Variants in HPSE2 observed in about 807,000 individuals in gnomAD.
HPSE2 encodes heparanase 2 (inactive), also known as inactive heparanase-2.
Under a neutral mutation model 60.5 loss-of-function variants are expected in HPSE2, and 38 were observed. The observed-to-expected ratio is 0.63, with a 90% confidence interval of 0.48 to 0.82. The LOEUF is 0.82. HPSE2 is among the 40% of genes least tolerant of loss of function. HPSE2 has a pLI of 0.00. For missense variants in HPSE2, 713 were observed against 740.4 expected (o/e 0.96, Z 0.43); for synonymous variants, 295 against 293.2 (o/e 1.01, Z -0.06).
intron 6 of HPSE2, among the ~76,000 whole-genome samples, chr10:98,688,492 T>TTTTTTTTTTTTTTTTTTTTTTTTG (rs1397644993): frequency 6.9e-6 from 1 of 145,318 alleles, no homozygotes; most frequent in African/African-American, 2.5e-5. Flanking sequence ...TTTTTTTTTT[T>TTTTTTTTTTTTTTTTTTTTTTTTG]TGAGGCAGAA....
intron 5 of HPSE2, among the ~76,000 whole-genome samples, chr10:98,716,572 A>T (rs1948796899): frequency 6.6e-6 from 1 of 152,092 alleles, no homozygotes; most frequent in East Asian, 1.9e-4. Context: ...AACCTTGCCC[A>T]GATCCATCAG....
chr10:98,828,977 TA>T (rs35007964), intron 3 of HPSE2, among the ~76,000 whole-genome samples: 124,502 of 151,776 alleles, frequency 0.82, 51,428 homozygotes, highest in African/African-American at 0.87. Context: ...ATGAATGAAT[TA>T]AAAAAAAATG....
chr10:99,084,331 T>C (rs1346812786), intron 3 of HPSE2, among the ~76,000 whole-genome samples: 4 of 152,202 alleles, frequency 2.6e-5, no homozygotes, highest in East Asian at 3.9e-4. Flanking sequence ...TTCTTTTTTT[T>C]CCCCTAAGAA....
the HPSE2 span, among the ~76,000 whole-genome samples, chr10:99,259,841 G>C: frequency 6.6e-6 from 1 of 152,144 alleles, no homozygotes; most frequent in Non-Finnish European, 1.5e-5. Context: ...ATTCTCATAG[G>C]ACCCTAAACC....
chr10:98,875,483 G>A (rs1589991433), intron 3 of HPSE2, among the ~76,000 whole-genome samples: 1 of 152,038 alleles, frequency 6.6e-6, no homozygotes, highest in East Asian at 1.9e-4. Flanking sequence ...CCAGGAAGAA[G>A]TCGAATCCCT....
intron 3 of HPSE2, among the ~76,000 whole-genome samples, chr10:99,039,375 C>A (rs899857791): frequency 6.6e-6 from 1 of 152,022 alleles, no homozygotes; most frequent in Non-Finnish European, 1.5e-5. Flanking sequence ...ACCAACCATG[C>A]CAAGCCTCTT....
At chr10:98,641,558 G>A (rs1589554792) in intron 7 of HPSE2, among the ~76,000 whole-genome samples, 1 of 151,882 alleles carries the variant, frequency 6.6e-6, no homozygotes, top group South Asian at 2.1e-4. Flanking sequence ...CTGCACTCCA[G>A]CCTGGGCAAC....
chr10:98,478,364 A>T (rs1291482542), intron 11 of HPSE2, among the ~76,000 whole-genome samples: 2 of 152,098 alleles, frequency 1.3e-5, no homozygotes, highest in Non-Finnish European at 2.9e-5. Context: ...GCTGATGACC[A>T]CTGAGAACAC....
chr10:99,259,505 C>T, the HPSE2 span, among the ~76,000 whole-genome samples: 2 of 152,070 alleles, frequency 1.3e-5, no homozygotes, highest in African/African-American at 4.8e-5. Context: ...AAAGAAGATA[C>T]ATGAATCACA....
intron 9 of HPSE2, among the ~76,000 whole-genome samples, chr10:98,607,408 T>C (rs1278980109): frequency 6.6e-6 from 1 of 152,192 alleles, no homozygotes; most frequent in African/African-American, 2.4e-5. Flanking sequence ...TGCTTCTCAG[T>C]GATTCACATA....
chr10:99,308,491 T>C, the HPSE2 span, among the ~76,000 whole-genome samples: 3 of 151,888 alleles, frequency 2.0e-5, no homozygotes, highest in South Asian at 6.2e-4. Flanking sequence ...GAAGTACTGA[T>C]GCATGTTACA....
chr10:99,205,231 C>T (rs556519240), intron 2 of HPSE2, among the ~76,000 whole-genome samples: 4 of 152,016 alleles, frequency 2.6e-5, no homozygotes, highest in Admixed American at 1.3e-4. Context: ...GTGTAGCTCC[C>T]GAATCTAAAA....
intron 5 of HPSE2, among the ~76,000 whole-genome samples, chr10:98,719,426 G>A (rs1196548061): frequency 6.6e-6 from 1 of 151,966 alleles, no homozygotes; most frequent in Non-Finnish European, 1.5e-5. Flanking sequence ...ACATGTCAGA[G>A]AAGATCTAGA....
chr10:99,144,916 T>C (rs1845992873), intron 2 of HPSE2, among the ~76,000 whole-genome samples: 1 of 107,940 alleles, frequency 9.3e-6, no homozygotes, highest in Non-Finnish European at 2.3e-5. Flanking sequence ...ATGGCTTACC[T>C]GGTCATGGTT....
rs115490194 is a variant in HPSE2, at chr10:98,615,475, T to A, written c.1206-457A>T. Among the ~76,000 whole-genome samples the A allele has an allele frequency of 8.6e-3, 1,312 of 152,314 alleles. 11 individuals are homozygous for A. The highest frequency in any genetic ancestry group is 0.03 in the African/African-American group (1,248 of 41,568). On this transcript the variant is annotated intron_variant, in intron 8 of 11. Transcript: ENST00000370552. ...ACCTTTAACAGAACTCTAACTCATA[T>A]ACTCCTATGACCTATGCAAATATAG...
intron 3 of HPSE2, among the ~76,000 whole-genome samples, chr10:98,866,520 G>C (rs889490483): frequency 6.6e-6 from 1 of 151,944 alleles, no homozygotes; most frequent in African/African-American, 2.4e-5. Context: ...AGAGCTCAAA[G>C]CATCCTAAGC....
At chr10:99,296,226 T>G in the HPSE2 span, among the ~76,000 whole-genome samples, 1 of 152,070 alleles carries the variant, frequency 6.6e-6, no homozygotes, top group African/African-American at 2.4e-5. Flanking sequence ...ACATTACCAC[T>G]TACAATAACT....
At chr10:98,466,318 A>C (rs1324610590) in intron 11 of HPSE2, among the ~76,000 whole-genome samples, 2 of 152,158 alleles carry the variant, frequency 1.3e-5, no homozygotes, top group African/African-American at 2.4e-5. Flanking sequence ...AGGGACTTAA[A>C]GAAAATTGGT....
chr10:98,765,255 T>C (rs778365586), intron 3 of HPSE2, among the ~76,000 whole-genome samples: 2 of 152,158 alleles, frequency 1.3e-5, no homozygotes, highest in Non-Finnish European at 2.9e-5. Context: ...GACCATATTC[T>C]GGGCCATAAC....
Sources: gnomAD v4.1 joint callset for allele counts (sites outside exome capture counted in the v4.1 genomes callset) on GRCh38, gnomAD v4.1.1 for gene constraint, MANE v1.5 for transcripts, NCBI Gene and HGNC (gene_info 2026-07-23, HGNC 2026-07-21) for gene names.